MYOM3: variants seen among roughly 807,000 people sequenced by gnomAD.
MYOM3 encodes myomesin 3.
Under a neutral mutation model 191.7 loss-of-function variants are expected in MYOM3, and 155 were observed. That is an observed-to-expected ratio of 0.81 (90% CI 0.71 to 0.92). MYOM3 has a LOEUF of 0.92. Ranked by LOEUF, MYOM3 falls within the 40% of genes least tolerant of loss-of-function variation. The probability of loss-of-function intolerance (pLI) is 0.00; values close to 1 mark genes in which losing one functional copy is unlikely to be tolerated. For synonymous variants in MYOM3, 757 were observed against 762.9 expected (o/e 0.99, Z 0.13); for missense variants, 1,889 against 1,890.6 (o/e 1.00, Z 0.02).
intron 6 of MYOM3, 74 bp downstream of exon 6, chr1:24,099,606 G>C: frequency 8.4e-7 from 1 of 1,193,300 alleles, no homozygotes; most frequent in East Asian, 2.3e-5. Flanking sequence ...TCCGAGGAAG[G>C]GTTTGGGATC....
At chr1:24,078,002 C>A (rs946711333) in intron 20 of MYOM3, among the ~76,000 whole-genome samples, 2 of 152,146 alleles carry the variant, frequency 1.3e-5, no homozygotes, top group Non-Finnish European at 2.9e-5. Flanking sequence ...AAGAGATACA[C>A]ACTTGTTGGG....
At chr1:24,067,337 T>TTTCC (rs1557602351) in intron 27 of MYOM3, among the ~76,000 whole-genome samples, 1,023 of 73,346 alleles carry the variant, frequency 0.014, 10 homozygotes, top group Non-Finnish European at 0.021. Context: ...TCTTTCTTTC[T>TTTCC]TTCTTTCTTT....
intron 33 of MYOM3, 37 bp from the exon 34 acceptor site, chr1:24,061,346 G>T (rs1643367794): frequency 1.2e-6 from 2 of 1,607,538 alleles, no homozygotes; most frequent in African/African-American, 2.7e-5. Context: ...GGCCATCAGG[G>T]CCTCTGCTGT....
At chr1:24,067,335 TCTTTC>T (rs1166577202) in intron 27 of MYOM3, among the ~76,000 whole-genome samples, 8 of 73,940 alleles carry the variant, frequency 1.1e-4, no homozygotes, top group Non-Finnish European at 1.9e-4. Flanking sequence ...CTTCTTTCTT[TCTTTC>T]TTTCTTTCTT....
chr1:24,096,378 C>A (rs936881567), intron 7 of MYOM3, among the ~76,000 whole-genome samples: 6 of 152,126 alleles, frequency 3.9e-5, no homozygotes, highest in African/African-American at 1.4e-4. Context: ...CAAGAGCAAG[C>A]CTGGTGGACC....
rs1362022330 is a variant in MYOM3, at chr1:24,108,369, TC to T, written c.161+106del. The T allele has an allele frequency of 2.5e-6, 3 of 1,214,616 alleles. No individual in the cohort carries two copies. The East Asian group carries it at 8.2e-5, about 33-fold the overall frequency. 75.2% of individuals were successfully genotyped at this position (1,214,616 alleles called of 1,614,324 possible). On this transcript the variant is annotated intron_variant, in intron 2 of 36. Coordinates refer to ENST00000374434, the MANE Select transcript of MYOM3 (RefSeq NM_152372.4). Reference sequence around the variant, plus strand: ...GGGGTTCAGAAAGCAGGGATGTCCCTCCCCCCATCAGGTTGGAGCCTCCAGA... The same window carrying T: ...GGGGTTCAGAAAGCAGGGATGTCCCTCCCCCATCAGGTTGGAGCCTCCAGA...
chr1:24,076,288 C>T lies in MYOM3; in HGVS notation c.2587-15G>A, dbSNP rs775484270. The T allele has an allele frequency of 1.9e-6, 3 of 1,595,686 alleles. No individual in the cohort carries two copies. Among genetic ancestry groups the T allele is most frequent in the Admixed American group, 1.7e-5 (1 of 59,990 alleles). ...AAGTCGGAAACCTGGGGGCAGAGGGCAAGAGCCAGCACTGAGGACAGCAGT... is the reference window on the plus strand; with the variant it reads ...AAGTCGGAAACCTGGGGGCAGAGGGTAAGAGCCAGCACTGAGGACAGCAGT... On this transcript the variant is annotated splice_polypyrimidine_tract_variant and intron_variant, in intron 20 of 36. Transcript: ENST00000374434.
At chr1:24,094,127 T>A (rs964850387) in intron 9 of MYOM3, among the ~76,000 whole-genome samples, 7 of 151,316 alleles carry the variant, frequency 4.6e-5, no homozygotes, top group Non-Finnish European at 7.4e-5. Flanking sequence ...TGCCTCCCGA[T>A]CTTGGGGCTC....
chr1:24,059,806 C>T (rs1041193255), intron 35 of MYOM3, among the ~76,000 whole-genome samples: 1 of 152,164 alleles, frequency 6.6e-6, no homozygotes, highest in Non-Finnish European at 1.5e-5. Flanking sequence ...ATCTGGTCTA[C>T]TCCTCATGGT....
chr1:24,093,034 T>C lies in MYOM3; in HGVS notation c.1003A>G (p.Thr335Ala), dbSNP rs1643859152. ...DRQASLKVSCTYKEDEGLYMV... is the reference protein window; with the variant it reads ...DRQASLKVSCAYKEDEGLYMV... ...TAGAGCCCCTCGTCCTCCTTGTAGG[T>C]GCAGGACACCTTCAGGGATGCCTGG... Residue 335 changes from threonine to alanine, a missense_variant, in exon 10 of 37, where the codon ACC becomes GCC. Thr to Ala is a moderately conservative substitution (Grantham distance 58). Transcript: ENST00000374434. 1.2e-6 allele frequency: 2 copies of C among 1,613,272 alleles called. No individual in the cohort carries two copies. The highest frequency in any genetic ancestry group is 8.5e-7 in the Non-Finnish European group (1 of 1,179,876).
chr1:24,090,843 T>C lies in MYOM3; in HGVS notation c.1386A>G (p.Ser462=). Residue 462 remains serine (S), a synonymous_variant, in exon 12 of 37, where the codon TCA becomes TCG. Coordinates refer to ENST00000374434, the MANE Select transcript of MYOM3 (RefSeq NM_152372.4). Reference sequence around the variant, plus strand: ...CATGGTCACCCATGACAACCAACTCTGAGGCCTTGGAGGGGACGCTGCTGC... The same window carrying C: ...CATGGTCACCCATGACAACCAACTCCGAGGCCTTGGAGGGGACGCTGCTGC... ...RVGSSVPSKA[S]ELVVMGDHDA... 1 of 1,614,164 alleles carries C rather than the reference T, an allele frequency of 6.2e-7. No homozygotes were observed. Among genetic ancestry groups the C allele is most frequent in the Non-Finnish European group, 8.5e-7 (1 of 1,180,014 alleles).
intron 32 of MYOM3, 103 bp from the exon 33 acceptor site, chr1:24,062,212 C>T (rs574220209): frequency 7.7e-7 from 1 of 1,295,814 alleles, no homozygotes; most frequent in Admixed American, 1.9e-5. Flanking sequence ...AGATCACGGG[C>T]TATGGGTGGT....
At position 24,092,098 on chromosome 1, in the gene MYOM3, C is replaced by A. The variant is rs79117160; in HGVS notation, c.1232+76G>T. On this transcript the variant is annotated intron_variant, in intron 11 of 36. Coordinates refer to ENST00000374434, the MANE Select transcript of MYOM3 (RefSeq NM_152372.4). The stretch of plus-strand genomic sequence containing the variant: ...GGTTCTCTGAGGTCAGACATGGGGC[C>A]TCCTCTTTGCTGTGGCTCCCACCAC... 4 of 1,327,030 alleles carry A rather than the reference C, an allele frequency of 3.0e-6. No individual in the cohort carries two copies. In the African/African-American group the frequency reaches 6.1e-5, roughly 20 times the overall value. 82.2% of individuals were successfully genotyped at this position (1,327,030 alleles called of 1,614,324 possible).
At position 24,075,402 on chromosome 1, in the gene MYOM3, GGGGGCTTCA is replaced by G; in HGVS notation, c.2766_2774del (p.Glu923_Pro925del). 6.2e-7 allele frequency: 1 copy of G among 1,609,926 alleles called. No individual in the cohort carries two copies. Among genetic ancestry groups the G allele is most frequent in the South Asian group, 1.1e-5 (1 of 90,526 alleles). On this transcript the variant is annotated inframe_deletion, in exon 22 of 37. Transcript: ENST00000374434. ...TGGACCACTGAAACTCTGAGGAGTC[GGGGGCTTCA>G]GGGGCTTCAAAAGCCAAATAGATAA...
chr1:24,076,533 A>T (rs1643602815), intron 20 of MYOM3, among the ~76,000 whole-genome samples: 3 of 2,876 alleles, frequency 1.0e-3, no homozygotes, highest in Non-Finnish European at 4.2e-3. Flanking sequence ...TTTTTTTTTG[A>T]GACGGAGTCT....
chr1:24,080,620 T>C lies in MYOM3; in HGVS notation c.2408-426A>G, dbSNP rs75831608. ...TAGCCTCTTTGTTCCTGTCCCCTCG[T>C]CTGTAAAATGGGGATAATAATAGCT... On this transcript the variant is annotated intron_variant, in intron 19 of 36. Transcript: ENST00000374434. Among the ~76,000 whole-genome samples the C allele has an allele frequency of 3.4e-3, 518 of 152,294 alleles. 6 individuals carry two copies. The highest frequency in any genetic ancestry group is 0.012 in the African/African-American group (480 of 41,548).
In MYOM3 at chr1:24,090,951, G is replaced by C. The variant is rs199515186; in HGVS notation, c.1278C>G (p.Pro426=). ...GGATTGGGCACCGACAAGTCCCTCC[G>C]GGGGCCTCATGGCAGGCGATCCATT... The part of the protein sequence containing the change: ...SGEWIACHEA[P]GGTCRCPIQG... Residue 426 remains proline, a synonymous_variant, in exon 12 of 37, where the codon CCC becomes CCG. Coordinates refer to ENST00000374434, the MANE Select transcript of MYOM3 (RefSeq NM_152372.4). 5 of 1,613,826 alleles carry C rather than the reference G, an allele frequency of 3.1e-6. No individual in the cohort carries two copies. In the Admixed American group the frequency reaches 6.7e-5, roughly 22 times the overall value.
At chr1:24,100,422 C>T (rs1037499711) in intron 5 of MYOM3, among the ~76,000 whole-genome samples, 1 of 152,194 alleles carries the variant, frequency 6.6e-6, no homozygotes, top group Admixed American at 6.5e-5. Context: ...TGCCCCTCCC[C>T]CTACCAAGCC....
intron 26 of MYOM3, 87 bp from the exon 27 acceptor site, chr1:24,068,116 C>T: frequency 6.7e-7 from 1 of 1,484,594 alleles, no homozygotes; most frequent in Non-Finnish European, 9.2e-7. Context: ...GTCGAGGGGG[C>T]TGTGCTCAGC....
Sources: gnomAD v4.1 joint callset for allele counts (sites outside exome capture counted in the v4.1 genomes callset) on GRCh38, gnomAD v4.1.1 for gene constraint, MANE v1.5 for transcripts, NCBI Gene and HGNC (gene_info 2026-07-23, HGNC 2026-07-21) for gene names.